FASN: variants seen among roughly 807,000 people sequenced by gnomAD.
FASN encodes fatty acid synthase.
In FASN, 50 loss-of-function variants were observed where a neutral mutation model predicts 250.0. The observed-to-expected ratio is 0.20, with a 90% CI of 0.16 to 0.25. The LOEUF is 0.25. FASN is among the 10% of genes least tolerant of loss of function. FASN has a pLI of 1.00. For synonymous variants in FASN, 1,909 were observed against 1,584.0 expected, an observed-to-expected ratio of 1.21 and a Z score of -4.87; for missense variants, 3,031 against 3,498.5, an observed-to-expected ratio of 0.87 and a Z score of 3.37.
chr17:82,081,606 A>G lies in FASN; in HGVS notation c.6401T>C (p.Ile2134Thr). The G allele has an allele frequency of 6.2e-7, 1 of 1,612,448 alleles. No individual in the cohort carries two copies. Among genetic ancestry groups the G allele is most frequent in the South Asian group, 1.1e-5 (1 of 91,084 alleles). ...CTCCTACTGGGAGTGCTCACCCAGG[A>G]TGTGTGCCACGGCCTCCACCAGGTC... is the stretch of plus-strand genomic sequence containing the variant. ...QRDLVEAVAH[I>T]LGIRDLAAVN... The change falls in exon 37 of 43, where the codon ATC becomes ACC. Residue 2134 changes from isoleucine to threonine, a missense_variant. Physicochemically the swap from Ile to Thr is moderately conservative, Grantham distance 89. Transcript: ENST00000306749.
rs2034005425 is a variant in FASN, at chr17:82,082,355, C to T, written c.5979G>A (p.Lys1993=). The change falls in exon 35 of 43, where the codon AAG becomes AAA. Residue 1993 remains lysine, a synonymous_variant. Coordinates refer to ENST00000306749, the MANE Select transcript of FASN (RefSeq NM_004104.5). Reference sequence around the variant, plus strand: ...GGTTCAGGGTGCCGCTGTACTTGGGCTTGCAGACGTCCTGGAAGAACTCTG... The same window carrying T: ...GGTTCAGGGTGCCGCTGTACTTGGGTTTGCAGACGTCCTGGAAGAACTCTG... ...QTPEFFQDVC[K]PKYSGTLNLD... 2 of 1,612,910 alleles carry T rather than the reference C, an allele frequency of 1.2e-6. No homozygotes were observed. Among genetic ancestry groups the T allele is most frequent in the East Asian group, 2.2e-5 (1 of 44,892 alleles).
rs1323343493 is a variant in FASN, at chr17:82,082,002, G to A, written c.6163+7C>T. The stretch of plus-strand genomic sequence containing the variant: ...GGGCAGGGTCGAGGGGAGAGGGTGG[G>A]GCCCACCTGGGAGGCCTTCGTGCCG... On this transcript the variant is annotated splice_region_variant and intron_variant, in intron 36 of 42. Transcript: ENST00000306749. 1 of 1,605,554 alleles carries A rather than the reference G, an allele frequency of 6.2e-7. No individual in the cohort carries two copies. Among genetic ancestry groups the A allele is most frequent in the African/African-American group, 1.3e-5 (1 of 74,750 alleles).
rs1450071005 is a variant in FASN, at chr17:82,083,039, C to G, written c.5642G>C (p.Cys1881Ser). The G allele has an allele frequency of 1.9e-6, 3 of 1,612,844 alleles. No homozygotes were observed. The highest frequency in any genetic ancestry group is 2.5e-6 in the Non-Finnish European group (3 of 1,179,994). Reference sequence around the variant, plus strand: ...GATGATGTAGCTCTTGTGGGCCGGGCAGAAGGTCTTGGAGATGGCCGACAT... The same window carrying G: ...GATGATGTAGCTCTTGTGGGCCGGGGAGAAGGTCTTGGAGATGGCCGACAT... ...KLMSAISKTFCPAHKSYIIAG... is the reference protein window; with the variant it reads ...KLMSAISKTFSPAHKSYIIAG... Residue 1881 changes from cysteine to serine, a missense_variant, in exon 33 of 43, where the codon TGC (cysteine) becomes TCC (serine). Physicochemically the swap from Cys to Ser is moderately radical, Grantham distance 112 (BLOSUM62 -1). Coordinates refer to ENST00000306749, the MANE Select transcript of FASN (RefSeq NM_004104.5).
rs1714614103 is a variant in FASN, at chr17:82,090,900, C to T, written c.1662G>A (p.Val554=). Reference sequence around the variant, plus strand: ...GCCCTACCTGGATGGCAGTCAGGCTCACAAACGAATGGACGATGTCATCAA... The same window carrying T: ...GCCCTACCTGGATGGCAGTCAGGCTTACAAACGAATGGACGATGTCATCAA... ...STFDDIVHSF[V]SLTAIQIGLI... is the part of the protein sequence containing the mutation. The change falls in exon 10 of 43, where the codon GTG becomes GTA. Residue 554 remains valine (V), a synonymous_variant. Transcript: ENST00000306749. 1.9e-6 allele frequency: 3 copies of T among 1,597,526 alleles called. No homozygotes were observed. The highest frequency in any genetic ancestry group is 1.3e-5 in the African/African-American group (1 of 74,454).
At position 82,087,041 on chromosome 17, in the gene FASN, G is replaced by A. The variant is rs1225836860; in HGVS notation, c.3427+9C>T. ...GAGGTGTCCGAAGCCAGCAGGGCTG[G>A]GACCTCACCCTTGCACAGTTGCAGC... is the stretch of plus-strand genomic sequence containing the variant. On this transcript the variant is annotated intron_variant, in intron 21 of 42. Transcript: ENST00000306749. 2 of 1,610,506 alleles carry A rather than the reference G, an allele frequency of 1.2e-6. No individual in the cohort carries two copies. Among genetic ancestry groups the A allele is most frequent in the African/African-American group, 1.3e-5 (1 of 74,852 alleles).
At position 82,084,626 on chromosome 17, in the gene FASN, C is replaced by A. The variant is rs774834763; in HGVS notation, c.4655G>T (p.Arg1552Leu). ...GCCAGGGCAGGTGGGCTGGGCATGGCGCAGCGAGGAGCAGACCCAGCGGAT... is the reference window on the plus strand; with the variant it reads ...GCCAGGGCAGGTGGGCTGGGCATGGAGCAGCGAGGAGCAGACCCAGCGGAT... ...SSIRWVCSSL[R>L]HAQPTCPGAQ... The change falls in exon 27 of 43, where the codon CGC becomes CTC. Residue 1552 changes from arginine (R) to leucine (L), a missense_variant. Transcript: ENST00000306749. 1 of 1,604,750 alleles carries A rather than the reference C, an allele frequency of 6.2e-7. No individual in the cohort carries two copies. Among genetic ancestry groups the A allele is most frequent in the Non-Finnish European group, 8.5e-7 (1 of 1,176,428 alleles).
rs1568112572 is a variant in FASN, at chr17:82,088,442, G to A, written c.2541C>T (p.Ala847=). The A allele has an allele frequency of 7.4e-6, 12 of 1,611,782 alleles. No homozygotes were observed. Among genetic ancestry groups the A allele is most frequent in the South Asian group, 1.1e-5 (1 of 91,060 alleles). Residue 847 remains alanine (A), a synonymous_variant, in exon 16 of 43, where the codon GCC becomes GCT. Coordinates refer to ENST00000306749, the MANE Select transcript of FASN (RefSeq NM_004104.5). ...AACCTGAACCGTTGGGGAAGTCCTCGGCGGCCGGCACGTCCCAGGCCAGGC... is the reference window on the plus strand; with the variant it reads ...AACCTGAACCGTTGGGGAAGTCCTCAGCGGCCGGCACGTCCCAGGCCAGGC... The part of the protein sequence containing the change: ...DHSLAWDVPA[A]EDFPNGSGSP...
chr17:82,090,619 G>T, intron 10 of FASN, 55 bp from the exon 11 acceptor site: 1 of 1,525,618 alleles, frequency 6.6e-7, no homozygotes, highest in East Asian at 2.3e-5. Context: ...CAGCTGTTGG[G>T]GGCGGCCCCC....
rs773282003 is a variant in FASN, at chr17:82,080,466, C to T, written c.6951G>A (p.Met2317Ile). ...TCTGCTGGGCCTGCAGCTGGGAGCA[C>T]ATTTCAAAGGCCACGCAGGCCCCGT... is the stretch of plus-strand genomic sequence containing the variant. ...YSYGACVAFE[M>I]CSQLQAQQSP... Residue 2317 changes from methionine to isoleucine, a missense_variant, in exon 40 of 43, where the codon ATG (methionine) becomes ATA (isoleucine). By Grantham distance (10) the Met-to-Ile change is conservative. Transcript: ENST00000306749. 2.5e-6 allele frequency: 4 copies of T among 1,586,426 alleles called. No homozygotes were observed. The highest frequency in any genetic ancestry group is 2.3e-5 in the South Asian group (2 of 87,730).
chr17:82,087,016 G>A (rs1401078520), intron 21 of FASN, 34 bp downstream of exon 21: 3 of 1,608,154 alleles, frequency 1.9e-6, no homozygotes, highest in Admixed American at 1.7e-5. Flanking sequence ...CTCATCGCCA[G>A]AGGTGTCCGA....
At chr17:82,095,519 G>C (rs2034289201) in intron 2 of FASN, 47 bp from the exon 3 acceptor site, 11 of 1,606,430 alleles carry the variant, frequency 6.8e-6, no homozygotes, top group Non-Finnish European at 7.6e-6. Context: ...GCTGCCCAGA[G>C]GTGGGGGCCC....
At chr17:82,093,453 TGTGA>T in intron 4 of FASN, 34 bp from the exon 5 acceptor site, 1 of 1,587,276 alleles carries the variant, frequency 6.3e-7, no homozygotes, top group Non-Finnish European at 8.6e-7. Context: ...CAGGTGGGGC[TGTGA>T]GCACACGAGA....
chr17:82,094,780 T>C (rs1463509302), intron 3 of FASN, among the ~76,000 whole-genome samples: 1 of 151,238 alleles, frequency 6.6e-6, no homozygotes, highest in East Asian at 1.9e-4. Context: ...AGAGTGAGAC[T>C]CCGTCTTAAA....
chr17:82,080,034 T>TG (rs1306876791), intron 41 of FASN, 106 bp downstream of exon 41: 61 of 1,227,530 alleles, frequency 5.0e-5, no homozygotes, highest in South Asian at 1.7e-4. Flanking sequence ...GGGGTGAAGT[T>TG]GGGGGGCCTT....
At chr17:82,086,898 G>A (rs1048429661) in intron 21 of FASN, 152 bp downstream of exon 21, 1 of 805,458 alleles carries the variant, frequency 1.2e-6, no homozygotes, top group Non-Finnish European at 2.0e-6. Context: ...GAGGGAGGGA[G>A]GCCGCCATCG....
chr17:82,093,145 C>T (rs1376187936), intron 5 of FASN, 74 bp downstream of exon 5: 1 of 1,539,752 alleles, frequency 6.5e-7, no homozygotes, highest in Non-Finnish European at 8.8e-7. Context: ...GGATCCTGCT[C>T]AGCGTGGGGA....
intron 19 of FASN, 43 bp downstream of exon 19, chr17:82,087,642 C>T (rs375530694): frequency 2.4e-5 from 38 of 1,606,320 alleles, no homozygotes; most frequent in African/African-American, 1.5e-4. Context: ...CAATGACGAC[C>T]GCCCTCCCCG....
chr17:82,082,250 C>A, intron 35 of FASN, 73 bp downstream of exon 35: 1 of 1,604,686 alleles, frequency 6.2e-7, no homozygotes, highest in Non-Finnish European at 8.5e-7. Flanking sequence ...GGGCTGTCAA[C>A]AAACCACCTT....
chr17:82,081,449 T>A, intron 37 of FASN, 97 bp from the exon 38 acceptor site: 2 of 1,568,508 alleles, frequency 1.3e-6, no homozygotes, highest in South Asian at 2.2e-5. Flanking sequence ...GCTGTGCATC[T>A]CCCAAAGCAC....
Sources: gnomAD v4.1 joint callset for allele counts (sites outside exome capture counted in the v4.1 genomes callset) on GRCh38, gnomAD v4.1.1 for gene constraint, MANE v1.5 for transcripts, NCBI Gene and HGNC (gene_info 2026-07-23, HGNC 2026-07-21) for gene names.